Variants in FAM234B observed in about 807,000 individuals in gnomAD.
FAM234B encodes protein FAM234B.
FAM234B carries 33 observed loss-of-function variants against 69.3 expected under a neutral mutation model. That is an observed-to-expected ratio of 0.48 (90% CI 0.36 to 0.64). The LOEUF is 0.64. FAM234B is among the 30% of genes least tolerant of loss of function. The pLI is 0.00. For missense variants in FAM234B, 697 were observed against 769.7 expected (o/e 0.91, Z 1.12); for synonymous variants, 306 against 306.9 (o/e 1.00, Z 0.03).
Position 13,076,016 on chromosome 12 carries a change from T to A in FAM234B, c.1525-10T>A. The A allele has an allele frequency of 6.2e-7, 1 of 1,601,358 alleles. No individual in the cohort carries two copies. Among genetic ancestry groups the A allele is most frequent in the Non-Finnish European group, 8.6e-7 (1 of 1,168,416 alleles). ...TACCTTTGCTCTTCCTTTTTGCTGC[T>A]TATTATCAGGATATCATCCTAGGAA... is the stretch of plus-strand genomic sequence containing the variant. On this transcript the variant is annotated splice_polypyrimidine_tract_variant and intron_variant, in intron 10 of 12. Coordinates refer to ENST00000197268, the MANE Select transcript of FAM234B (RefSeq NM_020853.2).
intron 7 of FAM234B, 34 bp from the exon 8 acceptor site, chr12:13,068,270 C>G (rs758047577): frequency 1.9e-6 from 3 of 1,613,422 alleles, no homozygotes; most frequent in East Asian, 2.2e-5. Flanking sequence ...TCATCCAAGC[C>G]AGAGACTAAC....
intron 1 of FAM234B, among the ~76,000 whole-genome samples, chr12:13,053,979 G>C (rs1864901810): frequency 6.6e-6 from 1 of 152,188 alleles, no homozygotes; most frequent in South Asian, 2.1e-4. Context: ...TCTGCAAGAA[G>C]AAAAATATGG....
rs1864953973 is a variant in FAM234B, at chr12:13,058,466, C to T, written c.449C>T (p.Pro150Leu). 6.2e-7 allele frequency: 1 copy of T among 1,613,888 alleles called. No individual in the cohort carries two copies. The highest frequency in any genetic ancestry group is 1.1e-5 in the South Asian group (1 of 91,068). Residue 150 changes from proline to leucine, a missense_variant, in exon 3 of 13, where the codon CCA (proline) becomes CTA (leucine). By Grantham distance (98) the Pro-to-Leu change is moderately conservative. This residue lies in a region of FAM234B where 380 missense variants were observed against 447.1 expected (regional missense o/e 0.85). Transcript: ENST00000197268. ...TGTATAACAGGTGGGGACCTGTCTC[C>T]ATTGGAATTGGCTGATGTGAATGGA... ...LGSQGGGDLSPLELADVNGDG... is the reference protein window; with the variant it reads ...LGSQGGGDLSLLELADVNGDG...
At chr12:13,072,340 C>G (rs1865115013) in intron 10 of FAM234B, among the ~76,000 whole-genome samples, 1 of 152,220 alleles carries the variant, frequency 6.6e-6, no homozygotes, top group African/African-American at 2.4e-5. Context: ...CATGGCCTAA[C>G]AGTGTGACCG....
intron 6 of FAM234B, 151 bp downstream of exon 6, chr12:13,066,938 A>G (rs924135619): frequency 6.0e-5 from 58 of 969,744 alleles, no homozygotes; most frequent in Non-Finnish European, 8.2e-5. Context: ...CCCACCGATC[A>G]CAGGCTATTA....
At chr12:13,075,057 C>G (rs951863706) in intron 10 of FAM234B, among the ~76,000 whole-genome samples, 5 of 152,152 alleles carry the variant, frequency 3.3e-5, no homozygotes, top group African/African-American at 1.2e-4. Flanking sequence ...AAGTCCCATC[C>G]CCACATAGAA....
rs1865228435 is a variant in FAM234B, at chr12:13,081,650, C to T, written c.*1020C>T. 6.6e-6 allele frequency: 1 copy of T among 152,160 alleles called. No individual in the cohort carries two copies. The highest frequency in any genetic ancestry group is 6.5e-5 in the Admixed American group (1 of 15,274). 9.4% of individuals were successfully genotyped at this position (152,160 alleles called of 1,614,324 possible). On this transcript the variant is annotated 3_prime_UTR_variant, in exon 13 of 13. Coordinates refer to ENST00000197268, the MANE Select transcript of FAM234B (RefSeq NM_020853.2). ...CTGCTACTTGAGTCCAGGATGCAAC[C>T]ATTTTGTCCTGCATCTCTTCTTTCC... is the stretch of plus-strand genomic sequence containing the variant.
At chr12:13,054,432 A>G (rs190367012) in intron 1 of FAM234B, among the ~76,000 whole-genome samples, 26 of 152,320 alleles carry the variant, frequency 1.7e-4, no homozygotes, top group African/African-American at 6.3e-4. Flanking sequence ...GTCTCCATAT[A>G]GTGTTTTATT....
At chr12:13,056,627 C>T (rs1462312996) in intron 2 of FAM234B, among the ~76,000 whole-genome samples, 1 of 152,332 alleles carries the variant, frequency 6.6e-6, no homozygotes. Flanking sequence ...CTTCTCTGAT[C>T]CCAGTTGAAT....
At chr12:13,057,602 G>A (rs931973493) in intron 2 of FAM234B, among the ~76,000 whole-genome samples, 1 of 152,136 alleles carries the variant, frequency 6.6e-6, no homozygotes, top group African/African-American at 2.4e-5. Flanking sequence ...TTCATTATTA[G>A]CAGTTTATGT....
rs1287399280 is a variant in FAM234B, at chr12:13,066,759, T to C, written c.972T>C (p.Asn324=). 8.1e-6 allele frequency: 13 copies of C among 1,613,804 alleles called. No individual in the cohort carries two copies. Among genetic ancestry groups the C allele is most frequent in the Non-Finnish European group, 1.1e-5 (13 of 1,179,910 alleles). Residue 324 remains asparagine, a synonymous_variant, in exon 6 of 13, where the codon AAT becomes AAC. Transcript: ENST00000197268. ...GTCCTCAGGTTTACATCACCACAAA[T>C]GGGGCTGTCTACATCCTGTTTGGCT... The part of the protein sequence containing the change: ...LIGPQVYITT[N]GAVYILFGFG...
chr12:13,059,455 A>G (rs568827539), intron 3 of FAM234B, among the ~76,000 whole-genome samples: 1 of 152,242 alleles, frequency 6.6e-6, no homozygotes, highest in Non-Finnish European at 1.5e-5. Flanking sequence ...CCCAGCTTTT[A>G]CACATGTCAG....
chr12:13,064,447 C>A (rs1405882988), intron 5 of FAM234B, among the ~76,000 whole-genome samples: 1 of 152,168 alleles, frequency 6.6e-6, no homozygotes, highest in African/African-American at 2.4e-5. Flanking sequence ...GTCTAACCAT[C>A]CCGTCTGGCC....
chr12:13,068,837 A>G (rs1865070538), intron 9 of FAM234B, 126 bp downstream of exon 9: 6 of 626,874 alleles, frequency 9.6e-6, no homozygotes, highest in Non-Finnish European at 2.8e-6. Context: ...AAAGAACTCA[A>G]AGTCTCATTG....
At chr12:13,059,393 C>T (rs1049931688) in intron 3 of FAM234B, among the ~76,000 whole-genome samples, 15 of 152,216 alleles carry the variant, frequency 9.9e-5, no homozygotes, top group Admixed American at 2.0e-4. Context: ...TGAATAGTCT[C>T]CTTAAGAAAC....
Position 13,071,223 on chromosome 12 carries a change from C to A in FAM234B, c.1369-18C>A, listed in dbSNP as rs951298734. On this transcript the variant is annotated intron_variant, in intron 9 of 12. Coordinates refer to ENST00000197268, the MANE Select transcript of FAM234B (RefSeq NM_020853.2). ...TTTGAGGCCTGGCCATGTTTACTGT[C>A]TGTCTTCTCTTTTGTAGATGATGGT... 17 of 1,613,092 alleles carry A rather than the reference C, an allele frequency of 1.1e-5. No homozygotes were observed. The highest frequency in any genetic ancestry group is 1.4e-5 in the Non-Finnish European group (16 of 1,179,252).
rs1188568673 is a variant in FAM234B at position 13,062,899 on chromosome 12, C to T, written c.776C>T (p.Ala259Val). The part of the protein sequence containing the change: ...PNYLSNGTLA[A>V]PVVVLPDLDE... Reference sequence around the variant, plus strand: ...TACTTGTCCAACGGTACCTTGGCTGCCCCAGTTGTGGTACTGCCAGACTTG... The same window carrying T: ...TACTTGTCCAACGGTACCTTGGCTGTCCCAGTTGTGGTACTGCCAGACTTG... Residue 259 changes from alanine to valine, a missense_variant, in exon 5 of 13, where the codon GCC becomes GTC. By Grantham distance (64) the Ala-to-Val change is moderately conservative. Coordinates refer to ENST00000197268, the MANE Select transcript of FAM234B (RefSeq NM_020853.2). The T allele has an allele frequency of 2.5e-6, 4 of 1,613,890 alleles. No individual in the cohort carries two copies. The highest frequency in any genetic ancestry group is 2.2e-5 in the East Asian group (1 of 44,892).
Position 13,083,266 on chromosome 12 carries a change from C to T in FAM234B, c.*2636C>T, listed in dbSNP as rs964358976. On this transcript the variant is annotated 3_prime_UTR_variant, in exon 13 of 13. Transcript: ENST00000197268. Reference sequence around the variant, plus strand: ...TTACCCTCCTCTTTCCCTTAAACACCCTCCCTTTTCCTTAGACCCCGTTTT... The same window carrying T: ...TTACCCTCCTCTTTCCCTTAAACACTCTCCCTTTTCCTTAGACCCCGTTTT... 6 of 152,496 alleles carry T rather than the reference C, an allele frequency of 3.9e-5. No individual in the cohort carries two copies. Among genetic ancestry groups the T allele is most frequent in the Admixed American group, 3.3e-4 (5 of 15,276 alleles). The allele number at this position is 152,496 out of a possible 1,614,324, so 9.4% of individuals were successfully genotyped here.
intron 10 of FAM234B, among the ~76,000 whole-genome samples, chr12:13,075,609 T>C (rs1307331214): frequency 2.4e-5 from 2 of 84,632 alleles, no homozygotes; most frequent in Non-Finnish European, 5.0e-5. Context: ...CTTTTTTTTC[T>C]CTTTTTTTTT....
Sources: gnomAD v4.1 joint callset for allele counts (sites outside exome capture counted in the v4.1 genomes callset) on GRCh38, gnomAD v4.1.1 for gene constraint, gnomAD v4.1.1 regional missense constraint, MANE v1.5 for transcripts, NCBI Gene and HGNC (gene_info 2026-07-23, HGNC 2026-07-21) for gene names.